DAB1: variants seen among roughly 807,000 people sequenced by gnomAD.
DAB1 encodes the protein disabled homolog 1.
Under a neutral mutation model 64.6 loss-of-function variants are expected in DAB1, and 15 were observed. The observed-to-expected ratio is 0.23, with a 90% CI of 0.16 to 0.36. The LOEUF (loss-of-function observed/expected upper bound fraction) is 0.36. Ranked by LOEUF, DAB1 falls within the 10% of genes least tolerant of loss-of-function variation. The pLI is 1.00. For synonymous variants in DAB1, 235 were observed against 251.9 expected (o/e 0.93, Z 0.64); for missense variants, 596 against 706.7 (o/e 0.84, Z 1.78).
chr1:58,076,455 A>C (rs1649650069), intron 5 of DAB1, among the ~76,000 whole-genome samples: 1 of 152,158 alleles, frequency 6.6e-6, no homozygotes, highest in African/African-American at 2.4e-5. Context: ...GTTCCTGCAG[A>C]GTGGAAATCC....
upstream of DAB1, among the ~76,000 whole-genome samples, chr1:57,424,910 A>G: frequency 6.6e-6 from 1 of 152,206 alleles, no homozygotes; most frequent in East Asian, 1.9e-4. Context: ...GGCTCTTAGA[A>G]TGACTGGGAG....
chr1:57,251,647 T>C (rs1266613647), intron 2 of DAB1, among the ~76,000 whole-genome samples: 11 of 152,200 alleles, frequency 7.2e-5, no homozygotes, highest in Non-Finnish European at 8.8e-5. Context: ...TCAGGACTTT[T>C]ATCAGCTCAG....
intron 6 of DAB1, among the ~76,000 whole-genome samples, chr1:57,719,172 T>C (rs993871610): frequency 1.3e-5 from 2 of 152,222 alleles, no homozygotes; most frequent in African/African-American, 2.4e-5. Flanking sequence ...GAATTAGAAA[T>C]GTACAATGCT....
intron 2 of DAB1, among the ~76,000 whole-genome samples, chr1:57,226,672 A>AAAAAAATATATATATAT (rs747021990): frequency 9.6e-5 from 13 of 135,992 alleles, no homozygotes; most frequent in African/African-American, 3.7e-4. Flanking sequence ...TTAAAAAAAA[A>AAAAAAATATATATATAT]ATATATATAT....
chr1:57,782,729 C>T (rs1246195639), intron 6 of DAB1, among the ~76,000 whole-genome samples: 1 of 152,150 alleles, frequency 6.6e-6, no homozygotes, highest in Non-Finnish European at 1.5e-5. Flanking sequence ...TGCTTTGAAG[C>T]TACAAACATT....
intron 3 of DAB1, among the ~76,000 whole-genome samples, chr1:58,462,305 T>C (rs1645252124): frequency 6.6e-6 from 1 of 151,916 alleles, no homozygotes; most frequent in African/African-American, 2.4e-5. Context: ...TTTTTGTATT[T>C]TTAGTAGAGA....
At chr1:57,347,486 T>G (rs1210480551) in intron 1 of DAB1, among the ~76,000 whole-genome samples, 1 of 152,234 alleles carries the variant, frequency 6.6e-6, no homozygotes, top group African/African-American at 2.4e-5. Flanking sequence ...CACAAATGTA[T>G]GAGATAATGG....
intron 6 of DAB1, among the ~76,000 whole-genome samples, chr1:57,777,507 T>C (rs1174033723): frequency 6.6e-6 from 1 of 151,964 alleles, no homozygotes; most frequent in Non-Finnish European, 1.5e-5. Context: ...GGATAATTTT[T>C]ATTGCAGTCT....
intron 6 of DAB1, among the ~76,000 whole-genome samples, chr1:57,750,995 G>C (rs1648525846): frequency 1.3e-5 from 2 of 152,098 alleles, no homozygotes; most frequent in South Asian, 4.2e-4. Context: ...CCTCCTGGGG[G>C]ATACTGTTTC....
chr1:57,966,322 CT>C (rs1645665212), intron 5 of DAB1, among the ~76,000 whole-genome samples: 1 of 152,114 alleles, frequency 6.6e-6, no homozygotes, highest in Non-Finnish European at 1.5e-5. Context: ...ATCAAGCTGA[CT>C]TTTTGTGGGC....
At chr1:58,305,990 C>G (rs1010325216) in intron 4 of DAB1, among the ~76,000 whole-genome samples, 2 of 152,070 alleles carry the variant, frequency 1.3e-5, no homozygotes, top group East Asian at 1.9e-4. Context: ...CCCCCCACCC[C>G]CCTCCACACA....
chr1:58,446,283 A>G (rs1240635485), intron 3 of DAB1, among the ~76,000 whole-genome samples: 1 of 152,232 alleles, frequency 6.6e-6, no homozygotes, highest in Non-Finnish European at 1.5e-5. Context: ...CTCTCAATAT[A>G]TCTTTCTCTA....
At chr1:57,941,131 C>A (rs1645098067) in intron 5 of DAB1, among the ~76,000 whole-genome samples, 1 of 152,208 alleles carries the variant, frequency 6.6e-6, no homozygotes, top group African/African-American at 2.4e-5. Flanking sequence ...CCCTCAACAT[C>A]CCAGGATTAT....
intron 3 of DAB1, among the ~76,000 whole-genome samples, chr1:58,405,820 G>C (rs1644611847): frequency 6.6e-6 from 1 of 152,214 alleles, no homozygotes; most frequent in Non-Finnish European, 1.5e-5. Flanking sequence ...ACTTGGAGGA[G>C]ACTTGCCTCA....
At position 57,046,782 on chromosome 1, in the gene DAB1, G is replaced by A. The variant is rs138816803; in HGVS notation, c.723+16102C>T. Among the ~76,000 whole-genome samples the A allele has an allele frequency of 3.9e-5, 6 of 152,334 alleles. No individual in the cohort carries two copies. In the East Asian group the frequency reaches 9.6e-4, roughly 24 times the overall value. ...CTACCAAAGGAGCAAGCATGCATCAGGGAACCTGCATCTTGGAGGGAGTAC... is the reference window on the plus strand; with the variant it reads ...CTACCAAAGGAGCAAGCATGCATCAAGGAACCTGCATCTTGGAGGGAGTAC... On this transcript the variant is annotated intron_variant, in intron 9 of 14. Coordinates refer to ENST00000371236, the MANE Select transcript of DAB1 (RefSeq NM_001365792.1).
At chr1:57,612,023 T>A (rs1448198193) in intron 7 of DAB1, among the ~76,000 whole-genome samples, 1 of 152,172 alleles carries the variant, frequency 6.6e-6, no homozygotes. Context: ...TTGCTGTTCC[T>A]ACTGATTACT....
chr1:58,285,052 G>T (rs1661651993), intron 4 of DAB1, among the ~76,000 whole-genome samples: 1 of 151,972 alleles, frequency 6.6e-6, no homozygotes, highest in Non-Finnish European at 1.5e-5. Context: ...AAACATACAG[G>T]TTTACATGAT....
intron 2 of DAB1, among the ~76,000 whole-genome samples, chr1:57,169,529 G>T (rs1421336580): frequency 6.6e-6 from 1 of 152,178 alleles, no homozygotes; most frequent in African/African-American, 2.4e-5. Flanking sequence ...TGTTGACAAA[G>T]ATTCTTTGCT....
intron 3 of DAB1, among the ~76,000 whole-genome samples, chr1:58,360,951 CTA>C (rs1427632612): frequency 6.6e-6 from 1 of 152,114 alleles, no homozygotes; most frequent in Admixed American, 6.5e-5. Context: ...TAAAATTAAA[CTA>C]TTTTTGTGAG....
Sources: gnomAD v4.1 joint callset for allele counts (sites outside exome capture counted in the v4.1 genomes callset) on GRCh38, gnomAD v4.1.1 for gene constraint, MANE v1.5 for transcripts, NCBI Gene and HGNC (gene_info 2026-07-23, HGNC 2026-07-21) for gene names.